SDK1: variants seen among roughly 807,000 people sequenced by gnomAD.
The protein encoded by SDK1 is protein sidekick-1.
In SDK1, 157 loss-of-function variants were observed where a neutral mutation model predicts 245.5. The observed-to-expected ratio is 0.64, with a 90% CI of 0.56 to 0.73. SDK1 has a LOEUF of 0.73. Among genes scored for constraint, SDK1 ranks in the 30% least tolerant of loss-of-function variants. SDK1 has a pLI of 0.00. For missense variants in SDK1, 3,583 were observed against 3,002.3 expected (o/e 1.19, Z -4.52); for synonymous variants, 1,647 against 1,278.5 (o/e 1.29, Z -6.15).
chr7:3,865,011 AT>A (rs1460123929), intron 5 of SDK1, among the ~76,000 whole-genome samples: 1 of 152,168 alleles, frequency 6.6e-6, no homozygotes, highest in Non-Finnish European at 1.5e-5. Flanking sequence ...CTCTGAGCAC[AT>A]TTCCTATACG....
chr7:3,965,648 G>T (rs1782029728), intron 9 of SDK1, among the ~76,000 whole-genome samples: 1 of 152,160 alleles, frequency 6.6e-6, no homozygotes, highest in Non-Finnish European at 1.5e-5. Flanking sequence ...AGACAGGTGA[G>T]GTTCCTGTGC....
At chr7:4,223,713 G>A (rs1042245601) in intron 40 of SDK1, among the ~76,000 whole-genome samples, 2 of 152,172 alleles carry the variant, frequency 1.3e-5, no homozygotes, top group African/African-American at 4.8e-5. Context: ...TAAGCTCATT[G>A]GGAGGTATTG....
intron 11 of SDK1, among the ~76,000 whole-genome samples, chr7:3,970,716 C>T (rs1033387808): frequency 3.3e-5 from 5 of 152,188 alleles, no homozygotes; most frequent in Non-Finnish European, 4.4e-5. Flanking sequence ...CACACTCTGC[C>T]CACTTTAACC....
At chr7:3,975,746 C>T (rs1782873873) in intron 13 of SDK1, among the ~76,000 whole-genome samples, 1 of 152,360 alleles carries the variant, frequency 6.6e-6, no homozygotes, top group East Asian at 1.9e-4. Flanking sequence ...CATCCCATCC[C>T]AACTCCTGTT....
intron 4 of SDK1, among the ~76,000 whole-genome samples, chr7:3,797,331 C>T (rs1778984782): frequency 6.6e-6 from 1 of 151,658 alleles, no homozygotes; most frequent in Non-Finnish European, 1.5e-5. Flanking sequence ...TCCCTTTTCG[C>T]TTCTTTCACC....
At position 3,662,143 on chromosome 7, in the gene SDK1, A is replaced by G. The variant is rs74710060; in HGVS notation, c.713+20038A>G. ...TACTTTCATCCCATCTGGAGGCACA[A>G]CAATTATTTTCTTAATCCTTTATTC... is the stretch of plus-strand genomic sequence containing the variant. On this transcript the variant is annotated intron_variant, in intron 4 of 44. Transcript: ENST00000404826. 2.2e-4 allele frequency among the ~76,000 whole-genome samples: 33 copies of G among 151,848 alleles called. No individual in the cohort carries two copies. In the East Asian group the frequency reaches 5.6e-3, roughly 26 times the overall value.
At chr7:3,812,463 A>C (rs1348067164) in intron 4 of SDK1, among the ~76,000 whole-genome samples, 1 of 152,228 alleles carries the variant, frequency 6.6e-6, no homozygotes, top group Non-Finnish European at 1.5e-5. Context: ...TCTATATTTA[A>C]GAGTTGAGAG....
At chr7:3,873,227 T>A (rs1377843198) in intron 5 of SDK1, among the ~76,000 whole-genome samples, 1 of 152,126 alleles carries the variant, frequency 6.6e-6, no homozygotes, top group Non-Finnish European at 1.5e-5. Flanking sequence ...GAATCCTGTA[T>A]TGAGATGTTT....
At chr7:4,102,344 G>C (rs566690542) in intron 22 of SDK1, among the ~76,000 whole-genome samples, 25 of 152,324 alleles carry the variant, frequency 1.6e-4, no homozygotes, top group Non-Finnish European at 2.9e-4. Context: ...GGGGTACTCA[G>C]TGTCTGTGGA....
chr7:3,678,078 T>G (rs1194289384), intron 4 of SDK1, among the ~76,000 whole-genome samples: 1 of 152,104 alleles, frequency 6.6e-6, no homozygotes. Context: ...AAAACCACAA[T>G]TAGACACAAC....
chr7:3,553,782 G>C (rs1779491985), intron 1 of SDK1, among the ~76,000 whole-genome samples: 1 of 152,132 alleles, frequency 6.6e-6, no homozygotes, highest in South Asian at 2.1e-4. Flanking sequence ...TGCCCAGAGA[G>C]GAATAGGTGG....
At chr7:4,193,054 T>C (rs1475990454) in intron 35 of SDK1, among the ~76,000 whole-genome samples, 2 of 138,934 alleles carry the variant, frequency 1.4e-5, no homozygotes, top group Non-Finnish European at 3.0e-5. Flanking sequence ...CAAAAATATA[T>C]AATATATATT....
chr7:3,900,345 T>C (rs1297942982), intron 5 of SDK1, among the ~76,000 whole-genome samples: 1 of 152,250 alleles, frequency 6.6e-6, no homozygotes, highest in Non-Finnish European at 1.5e-5. Flanking sequence ...AGGCTTCAAT[T>C]TCTCTTGCAT....
intron 1 of SDK1, among the ~76,000 whole-genome samples, chr7:3,326,162 A>G (rs140770853): frequency 1.3e-5 from 2 of 152,322 alleles, no homozygotes; most frequent in African/African-American, 4.8e-5. Flanking sequence ...TGTAGAGTAT[A>G]TAAAAGTGTA....
At position 3,635,950 on chromosome 7, in the gene SDK1, T is replaced by G. The variant is rs113202904; in HGVS notation, c.459-3054T>G. Among the ~76,000 whole-genome samples, 4 of 152,308 alleles carry G rather than the reference T, an allele frequency of 2.6e-5. 1 individual carries two copies. The highest frequency in any genetic ancestry group is 9.6e-5 in the African/African-American group (4 of 41,568). On this transcript the variant is annotated intron_variant, in intron 2 of 44. Transcript: ENST00000404826. ...CTTTTCTTTCTTACGGTAGACACCT[T>G]CCCATATGTGAAAAGCATCCAATCC...
chr7:3,828,608 G>A (rs916803808), intron 5 of SDK1, among the ~76,000 whole-genome samples: 12 of 148,660 alleles, frequency 8.1e-5, no homozygotes, highest in East Asian at 2.0e-4. Context: ...GTTTGCCCCC[G>A]AGTCATATGG....
At chr7:4,001,785 CT>C (rs1320049701) in intron 14 of SDK1, among the ~76,000 whole-genome samples, 1 of 152,210 alleles carries the variant, frequency 6.6e-6, no homozygotes, top group East Asian at 1.9e-4. Context: ...TTTCTTCCCC[CT>C]GTTCTATGAA....
chr7:3,592,952 T>C (rs1012416885), intron 1 of SDK1, among the ~76,000 whole-genome samples: 2 of 152,144 alleles, frequency 1.3e-5, no homozygotes, highest in African/African-American at 2.4e-5. Flanking sequence ...TTGCAGGGCA[T>C]TGGGCAGCTG....
At chr7:3,403,471 A>C (rs1778943749) in intron 1 of SDK1, among the ~76,000 whole-genome samples, 2 of 152,100 alleles carry the variant, frequency 1.3e-5, no homozygotes, top group African/African-American at 4.8e-5. Context: ...ATGCTGACTC[A>C]TAAATACCAT....
Sources: allele counts gnomAD v4.1 joint callset (sites outside exome capture counted in the v4.1 genomes callset), GRCh38; gene constraint gnomAD v4.1.1; transcripts MANE v1.5; gene names NCBI Gene and HGNC (gene_info 2026-07-23, HGNC 2026-07-21).